The following WWOX variants were observed in gnomAD, a reference collection of about 807,000 sequenced individuals.
The protein encoded by WWOX is WW domain containing oxidoreductase.
A neutral mutation model predicts 46.2 loss-of-function variants in WWOX; 69 were observed. The ratio of observed to expected loss-of-function variants is 1.49; its 90% confidence interval spans 1.23 to 1.82. The LOEUF (loss-of-function observed/expected upper bound fraction) is 1.82. Among genes scored for constraint, WWOX ranks in the 40% most tolerant of loss-of-function variants. The pLI, the probability that WWOX is intolerant of heterozygous loss-of-function variation, is 0.00. For synonymous variants in WWOX, 359 were observed against 202.6 expected, an observed-to-expected ratio of 1.77 and a Z score of -6.56; for missense variants, 919 against 542.6, an observed-to-expected ratio of 1.69 and a Z score of -6.89.
At chr16:79,098,312 G>C (rs139404400) in intron 8 of WWOX, among the ~76,000 whole-genome samples, 1 of 152,204 alleles carries the variant, frequency 6.6e-6, no homozygotes, top group East Asian at 1.9e-4. Context: ...CAGTGTCTGA[G>C]ACAGACAGTG....
chr16:79,134,330 G>A (rs748350009), intron 8 of WWOX, among the ~76,000 whole-genome samples: 1 of 152,158 alleles, frequency 6.6e-6, no homozygotes, highest in African/African-American at 2.4e-5. Flanking sequence ...GTAAAGAAAG[G>A]TGGATTTATT....
intron 4 of WWOX, chr16:78,129,987 A>T (rs966519415): frequency 6.6e-6 from 1 of 152,092 alleles, no homozygotes; most frequent in Non-Finnish European, 1.5e-5. Context: ...TGTTCTCACG[A>T]TAATGAGTGA....
chr16:79,075,405 T>G (rs948950584), intron 8 of WWOX, among the ~76,000 whole-genome samples: 1 of 152,204 alleles, frequency 6.6e-6, no homozygotes, highest in Non-Finnish European at 1.5e-5. Context: ...AGTACTTCCT[T>G]TCTGTCTTTT....
intron 8 of WWOX, among the ~76,000 whole-genome samples, chr16:78,895,011 C>T (rs1316070285): frequency 6.6e-6 from 1 of 152,170 alleles, no homozygotes; most frequent in Non-Finnish European, 1.5e-5. Context: ...CATCATGCCG[C>T]CGGGCACCGG....
At position 78,567,454 on chromosome 16, in the gene WWOX, G is replaced by A. The variant is rs183022954; in HGVS notation, c.1056+134702G>A. Among the ~76,000 whole-genome samples, 892 of 148,338 alleles carry A rather than the reference G, an allele frequency of 6.0e-3. 14 individuals carry two copies. Among genetic ancestry groups the A allele is most frequent in the African/African-American group, 0.021 (857 of 40,040 alleles). On this transcript the variant is annotated intron_variant, in intron 8 of 8. Transcript: ENST00000566780. ...TGTAGTCCCAGCTACTCCGGAGGCT[G>A]AGACAGGAGAATGTCATGAACCCGG...
Position 79,056,318 on chromosome 16 carries a change from C to G in WWOX, c.1057-155290C>G, listed in dbSNP as rs1165230402. On this transcript the variant is annotated intron_variant, in intron 8 of 8. Coordinates refer to ENST00000566780, the MANE Select transcript of WWOX (RefSeq NM_016373.4). Reference sequence around the variant, plus strand: ...TAGAACCCCTGAAGAAAAGTGAATTCTCATGACAATTTGTACATTCTTTGA... The same window carrying G: ...TAGAACCCCTGAAGAAAAGTGAATTGTCATGACAATTTGTACATTCTTTGA... Among the ~76,000 whole-genome samples, 3 of 152,120 alleles carry G rather than the reference C, an allele frequency of 2.0e-5. No individual in the cohort carries two copies. In the East Asian group the frequency reaches 5.8e-4, roughly 29 times the overall value.
intron 5 of WWOX, among the ~76,000 whole-genome samples, chr16:78,236,925 G>A (rs28651749): frequency 0.31 from 47,027 of 151,456 alleles, 7,594 homozygotes; most frequent in African/African-American, 0.37. Context: ...AAATACAAAA[G>A]TTAGCCGGTG....
At chr16:78,321,384 ATATATATACGTATATATACG>A (rs1440929041) in intron 5 of WWOX, among the ~76,000 whole-genome samples, 1 of 95,188 alleles carries the variant, frequency 1.1e-5, no homozygotes, top group Non-Finnish European at 1.9e-5. Flanking sequence ...ATATATGCGT[ATATATATACGTATATATACG>A]TATATATATA....
At chr16:78,375,527 A>G (rs1384678267) in intron 5 of WWOX, among the ~76,000 whole-genome samples, 1 of 152,162 alleles carries the variant, frequency 6.6e-6, no homozygotes, top group Non-Finnish European at 1.5e-5. Flanking sequence ...CAGATATGAA[A>G]CTGTACTTTT....
intron 8 of WWOX, among the ~76,000 whole-genome samples, chr16:78,447,914 C>G (rs947769438): frequency 2.0e-5 from 3 of 152,164 alleles, no homozygotes; most frequent in African/African-American, 7.2e-5. Context: ...ATCGATCCTC[C>G]TGCCTCAGCC....
At chr16:78,490,035 T>A (rs2084740237) in intron 8 of WWOX, among the ~76,000 whole-genome samples, 1 of 152,172 alleles carries the variant, frequency 6.6e-6, no homozygotes, top group African/African-American at 2.4e-5. Context: ...CGGAGCGACA[T>A]AATTAACCCT....
At chr16:79,035,728 G>A (rs2047853328) in intron 8 of WWOX, among the ~76,000 whole-genome samples, 1 of 151,700 alleles carries the variant, frequency 6.6e-6, no homozygotes, top group Non-Finnish European at 1.5e-5. Flanking sequence ...TAGTAGGGAC[G>A]GGGTTTCGCC....
intron 8 of WWOX, among the ~76,000 whole-genome samples, chr16:78,702,335 G>A (rs116870279): frequency 1.2e-4 from 18 of 151,600 alleles, no homozygotes; most frequent in Non-Finnish European, 1.9e-4. Flanking sequence ...GTGCTTTCTT[G>A]TAGACAGAGA....
intron 8 of WWOX, among the ~76,000 whole-genome samples, chr16:78,992,950 C>CA (rs2046917344): frequency 1.5e-4 from 1 of 6,662 alleles, no homozygotes; most frequent in Non-Finnish European, 1.2e-3. Context: ...AGAGTCTCAT[C>CA]TTTAAAAAAA....
intron 4 of WWOX, among the ~76,000 whole-genome samples, chr16:78,160,015 C>A (rs1034626837): frequency 6.6e-6 from 1 of 151,866 alleles, no homozygotes; most frequent in African/African-American, 2.4e-5. Context: ...AATTGACAGA[C>A]TTTTAGCTTC....
intron 8 of WWOX, among the ~76,000 whole-genome samples, chr16:79,126,490 G>A (rs899822772): frequency 6.6e-6 from 1 of 152,084 alleles, no homozygotes; most frequent in African/African-American, 2.4e-5. Flanking sequence ...TTGGTAGTTC[G>A]TTCTGTGTTC....
chr16:78,891,782 AAG>A (rs2044596035), intron 8 of WWOX: 1 of 152,206 alleles, frequency 6.6e-6, no homozygotes, highest in South Asian at 2.1e-4. Flanking sequence ...GTATTCTTCT[AAG>A]AGCACTGAAA....
rs148079018 is a variant in WWOX at position 78,593,636 on chromosome 16, C to T, written c.1056+160884C>T. Among the ~76,000 whole-genome samples the T allele has an allele frequency of 2.2e-3, 332 of 152,080 alleles. 1 individual carries two copies. Among genetic ancestry groups the T allele is most frequent in the African/African-American group, 7.7e-3 (319 of 41,504 alleles). On this transcript the variant is annotated intron_variant, in intron 8 of 8. Coordinates refer to ENST00000566780, the MANE Select transcript of WWOX (RefSeq NM_016373.4). ...CACAGTTGACAGGGGGAGGTATTTGCATAACTTCACCACACACAGCTAAGC... is the reference window on the plus strand; with the variant it reads ...CACAGTTGACAGGGGGAGGTATTTGTATAACTTCACCACACACAGCTAAGC...
rs117096006 is a variant in WWOX at position 78,910,042 on chromosome 16, G to A, written c.1057-301566G>A. Among the ~76,000 whole-genome samples the A allele has an allele frequency of 5.7e-3, 874 of 152,292 alleles. 5 individuals carry two copies. Among genetic ancestry groups the A allele is most frequent in the Non-Finnish European group, 1.0e-2 (677 of 68,014 alleles). On this transcript the variant is annotated intron_variant, in intron 8 of 8. Transcript: ENST00000566780. ...AATTACATTTGATGTAATTGCCCAT[G>A]CAACCCAGATGTCATATATTTATGT...
Sources: gnomAD v4.1 joint callset for allele counts (sites outside exome capture counted in the v4.1 genomes callset) on GRCh38, gnomAD v4.1.1 for gene constraint, MANE v1.5 for transcripts, NCBI Gene and HGNC (gene_info 2026-07-23, HGNC 2026-07-21) for gene names.